Variants in GSK3B observed in about 807,000 individuals in gnomAD.
GSK3B encodes glycogen synthase kinase 3 beta.
Under a neutral mutation model 56.4 loss-of-function variants are expected in GSK3B, and 15 were observed. The observed-to-expected ratio is 0.27, with a 90% CI of 0.18 to 0.41. The LOEUF is 0.41. Among genes scored for constraint, GSK3B ranks in the 10% least tolerant of loss-of-function variants. GSK3B has a pLI of 1.00. For synonymous variants in GSK3B, 181 were observed against 188.9 expected (o/e 0.96, Z 0.34); for missense variants, 300 against 513.4 (o/e 0.58, Z 4.02).
At chr3:120,075,889 C>A (rs1418662897) in intron 1 of GSK3B, among the ~76,000 whole-genome samples, 2 of 152,042 alleles carry the variant, frequency 1.3e-5, no homozygotes, top group East Asian at 3.9e-4. Flanking sequence ...CTAAAATTCA[C>A]ATGGAACCAC....
At chr3:119,934,243 C>T (rs1310212932) in intron 3 of GSK3B, among the ~76,000 whole-genome samples, 1 of 152,172 alleles carries the variant, frequency 6.6e-6, no homozygotes, top group Non-Finnish European at 1.5e-5. Flanking sequence ...CTACATCAGT[C>T]AGGTGTTGAA....
intron 1 of GSK3B, among the ~76,000 whole-genome samples, chr3:120,028,547 C>T (rs2057948528): frequency 6.6e-6 from 1 of 152,216 alleles, no homozygotes; most frequent in South Asian, 2.1e-4. Context: ...CTCTACACAT[C>T]CCTCTCATCT....
At chr3:120,052,685 A>C (rs1559892486) in intron 1 of GSK3B, among the ~76,000 whole-genome samples, 1 of 152,124 alleles carries the variant, frequency 6.6e-6, no homozygotes, top group African/African-American at 2.4e-5. Context: ...TTGCAATATG[A>C]CTCTAGTTGA....
chr3:119,938,676 TA>T (rs2057018744), intron 3 of GSK3B, among the ~76,000 whole-genome samples: 1 of 152,136 alleles, frequency 6.6e-6, no homozygotes, highest in South Asian at 2.1e-4. Context: ...TCTATACAAT[TA>T]TATATTGATA....
At chr3:119,885,390 ATT>A (rs2056424999) in intron 7 of GSK3B, among the ~76,000 whole-genome samples, 1 of 151,938 alleles carries the variant, frequency 6.6e-6, no homozygotes, top group Non-Finnish European at 1.5e-5. Context: ...ATGGAAAAGC[ATT>A]CCATGCTCAT....
intron 1 of GSK3B, among the ~76,000 whole-genome samples, chr3:120,037,675 C>T (rs1038268562): frequency 6.6e-6 from 1 of 151,492 alleles, no homozygotes; most frequent in African/African-American, 2.4e-5. Flanking sequence ...CCATCTTACA[C>T]ATCAAACCTT....
chr3:119,915,437 T>C (rs2056771074), intron 5 of GSK3B, among the ~76,000 whole-genome samples: 1 of 152,232 alleles, frequency 6.6e-6, no homozygotes, highest in East Asian at 1.9e-4. Context: ...AAAGTGAGTT[T>C]CCCAACTACA....
At position 119,875,498 on chromosome 3, in the gene GSK3B, GACACACACACACAC is replaced by G. The variant is rs66880409; in HGVS notation, c.909+901_909+914del. Among the ~76,000 whole-genome samples the G allele has an allele frequency of 3.2e-3, 458 of 144,996 alleles. 1 individual carries two copies. The highest frequency in any genetic ancestry group is 5.1e-3 in the South Asian group (23 of 4,512). ...ATAAAGTCGATCATTGGTAACCCGT[GACACACACACACAC>G]ACACACACACACACACACACACACA... On this transcript the variant is annotated intron_variant, in intron 8 of 10. Coordinates refer to ENST00000264235, the MANE Select transcript of GSK3B (RefSeq NM_001146156.2).
At chr3:119,979,895 T>TAC (rs1368005057) in intron 2 of GSK3B, among the ~76,000 whole-genome samples, 2 of 152,214 alleles carry the variant, frequency 1.3e-5, no homozygotes, top group Admixed American at 6.5e-5. Context: ...CTTCCAGCTA[T>TAC]ACCTGTTTAT....
intron 7 of GSK3B, among the ~76,000 whole-genome samples, chr3:119,885,352 C>T (rs2056424594): frequency 6.6e-6 from 1 of 152,076 alleles, no homozygotes. Flanking sequence ...CTACAAAACA[C>T]TGCTAAGAGA....
chr3:119,980,169 C>T (rs1380943347), intron 2 of GSK3B, among the ~76,000 whole-genome samples: 5 of 152,116 alleles, frequency 3.3e-5, no homozygotes, highest in African/African-American at 1.2e-4. Context: ...TTCACGTGAC[C>T]TTAATCTTTA....
chr3:120,088,042 A>T (rs2058480059), intron 1 of GSK3B, among the ~76,000 whole-genome samples: 1 of 152,022 alleles, frequency 6.6e-6, no homozygotes, highest in Admixed American at 6.6e-5. Context: ...ACAGACGCAC[A>T]CCACCACGCC....
intron 7 of GSK3B, among the ~76,000 whole-genome samples, chr3:119,881,376 G>A (rs191520880): frequency 6.6e-6 from 1 of 152,252 alleles, no homozygotes; most frequent in East Asian, 1.9e-4. Context: ...TGACTGGGAT[G>A]GGGCAAAAGT....
chr3:119,912,120 T>C (rs1219595504), intron 6 of GSK3B, among the ~76,000 whole-genome samples: 1 of 152,172 alleles, frequency 6.6e-6, no homozygotes, highest in Non-Finnish European at 1.5e-5. Flanking sequence ...CTTGAACACT[T>C]AGAGGCAACT....
intron 2 of GSK3B, among the ~76,000 whole-genome samples, chr3:119,990,202 A>C (rs777652561): frequency 3.9e-5 from 6 of 152,040 alleles, no homozygotes; most frequent in Non-Finnish European, 7.4e-5. Context: ...GCTAGCCCCG[A>C]GATAACACCC....
intron 4 of GSK3B, among the ~76,000 whole-genome samples, chr3:119,918,363 G>A (rs1483516730): frequency 2.0e-5 from 3 of 151,424 alleles, no homozygotes; most frequent in African/African-American, 7.3e-5. Context: ...ATCCCAGCTC[G>A]GAAGGCTGGG....
rs544000142 is a variant in GSK3B, at chr3:120,010,764, A to G, written c.89-8525T>C. On this transcript the variant is annotated intron_variant, in intron 1 of 10. Coordinates refer to ENST00000264235, the MANE Select transcript of GSK3B (RefSeq NM_001146156.2). ...AAAGGGAGACCCTGTCTCTAAATAA[A>G]TAAATAAATAAATAAATAAATGGCC... Among the ~76,000 whole-genome samples the G allele has an allele frequency of 8.5e-5, 13 of 152,272 alleles. No individual in the cohort carries two copies. In the East Asian group the frequency reaches 2.5e-3, roughly 29 times the overall value.
chr3:120,007,653 C>T (rs886700902), intron 1 of GSK3B, among the ~76,000 whole-genome samples: 2 of 152,102 alleles, frequency 1.3e-5, no homozygotes, highest in Non-Finnish European at 2.9e-5. Flanking sequence ...ATAAACAGAA[C>T]CAATGACAAA....
chr3:119,921,880 G>A (rs1468378604), intron 4 of GSK3B, among the ~76,000 whole-genome samples: 1 of 152,150 alleles, frequency 6.6e-6, no homozygotes, highest in African/African-American at 2.4e-5. Flanking sequence ...GCTTGCGCCT[G>A]TAATCTCAGT....
Sources: allele counts gnomAD v4.1 joint callset (sites outside exome capture counted in the v4.1 genomes callset), GRCh38; gene constraint gnomAD v4.1.1; transcripts MANE v1.5; gene names NCBI Gene and HGNC (gene_info 2026-07-23, HGNC 2026-07-21).